The following LARS1 variants were observed in gnomAD, a reference collection of about 807,000 sequenced individuals.
The protein encoded by LARS1 is leucyl-tRNA synthetase 1.
Under a neutral mutation model 162.8 loss-of-function variants are expected in LARS1, and 100 were observed. That is an observed-to-expected ratio of 0.61 (90% CI 0.52 to 0.73). The LOEUF (loss-of-function observed/expected upper bound fraction) is 0.73. Among genes scored for constraint, LARS1 ranks in the 30% least tolerant of loss-of-function variants. The probability of loss-of-function intolerance (pLI) is 0.00; values close to 1 mark genes in which losing one functional copy is unlikely to be tolerated. For synonymous variants in LARS1, 457 were observed against 462.8 expected (o/e 0.99, Z 0.16); for missense variants, 1,258 against 1,408.9 (o/e 0.89, Z 1.71).
At chr5:146,154,326 C>T (rs1362212445) in intron 10 of LARS1, among the ~76,000 whole-genome samples, 1 of 152,132 alleles carries the variant, frequency 6.6e-6, no homozygotes, top group Non-Finnish European at 1.5e-5. Flanking sequence ...TCTACAGGTG[C>T]ATACCACTGC....
At chr5:146,177,760 G>C in intron 1 of LARS1, 95 bp from the exon 2 acceptor site, 1 of 504,310 alleles carries the variant, frequency 2.0e-6, no homozygotes, top group Non-Finnish European at 3.5e-6. Context: ...CACTGATAAA[G>C]ACTGATTTTT....
chr5:146,137,534 G>A (rs1483145108), intron 21 of LARS1, among the ~76,000 whole-genome samples: 1 of 152,112 alleles, frequency 6.6e-6, no homozygotes, highest in African/African-American at 2.4e-5. Flanking sequence ...AGTAACAGCA[G>A]AAGCATAGAG....
At chr5:146,159,902 T>C (rs2126541832) in intron 7 of LARS1, among the ~76,000 whole-genome samples, 1 of 152,238 alleles carries the variant, frequency 6.6e-6, no homozygotes, top group East Asian at 1.9e-4. Flanking sequence ...ATCAAATGAT[T>C]ACTTTTTCTG....
chr5:146,122,204 A>C (rs1751854271), intron 30 of LARS1, among the ~76,000 whole-genome samples: 1 of 152,140 alleles, frequency 6.6e-6, no homozygotes, highest in South Asian at 2.1e-4. Flanking sequence ...TTTAAATAAA[A>C]ACCAGATTTT....
chr5:146,144,771 G>C (rs546350585), intron 15 of LARS1, 62 bp from the exon 16 acceptor site: 2 of 1,434,008 alleles, frequency 1.4e-6, no homozygotes, highest in South Asian at 2.4e-5. Flanking sequence ...ATTCCTCAAG[G>C]ATAAAAATTA....
At chr5:146,132,819 AAAG>A in intron 23 of LARS1, 76 bp downstream of exon 23, 1 of 1,099,028 alleles carries the variant, frequency 9.1e-7, no homozygotes, top group Non-Finnish European at 1.3e-6. Flanking sequence ...AAAAAAAAGA[AAAG>A]AAAAGAAAAA....
chr5:146,118,290 T>C (rs1003158099), intron 31 of LARS1, among the ~76,000 whole-genome samples: 9 of 152,160 alleles, frequency 5.9e-5, no homozygotes, highest in African/African-American at 2.2e-4. Flanking sequence ...ATGATCTCAC[T>C]CACATGTGGA....
At chr5:146,127,141 T>C (rs921737024) in intron 27 of LARS1, among the ~76,000 whole-genome samples, 1 of 152,094 alleles carries the variant, frequency 6.6e-6, no homozygotes. Flanking sequence ...AACTGGTCTT[T>C]TCAAAGTTTT....
intron 15 of LARS1, among the ~76,000 whole-genome samples, chr5:146,146,295 G>C (rs528942228): frequency 2.0e-5 from 3 of 149,616 alleles, no homozygotes; most frequent in African/African-American, 7.4e-5. Flanking sequence ...AGCTGAGATC[G>C]TGCCATTGCA....
chr5:146,153,189 G>T lies in LARS1; in HGVS notation c.1269C>A (p.Val423=). ...RAKYGIRDDM[V]LPFEPVPVIE... is the part of the protein sequence containing the mutation. ...ATGTACTCACCGGCTCAAATGGCAA[G>T]ACCATGTCATCTCTAATTCCATATT... The change falls in exon 13 of 32, where the codon GTC becomes GTA. Residue 423 remains valine, a synonymous_variant. Coordinates refer to ENST00000394434, the MANE Select transcript of LARS1 (RefSeq NM_020117.11). 1 of 1,613,064 alleles carries T rather than the reference G, an allele frequency of 6.2e-7. No homozygotes were observed. The highest frequency in any genetic ancestry group is 1.1e-5 in the South Asian group (1 of 91,030).
At position 146,153,657 on chromosome 5, in the gene LARS1, T is replaced by G. The variant is rs566968525; in HGVS notation, c.1230+77A>C. On this transcript the variant is annotated intron_variant, in intron 12 of 31. Coordinates refer to ENST00000394434, the MANE Select transcript of LARS1 (RefSeq NM_020117.11). The stretch of plus-strand genomic sequence containing the variant: ...ATAAATGCATAGCTTTTTAGCCTAG[T>G]CCCACAGCGTAGTTCAGCAGCACCT... 31 of 1,086,874 alleles carry G rather than the reference T, an allele frequency of 2.9e-5. No homozygotes were observed. The South Asian group carries it at 3.9e-4, about 14-fold the overall frequency. 67.3% of individuals were successfully genotyped at this position (1,086,874 alleles called of 1,614,324 possible).
chr5:146,130,059 AGAATGGAGC>A lies in LARS1; in HGVS notation c.2578_2586del (p.Ala860_Phe862del). ...CAGATGTGCTCACACAAATGTGGAC[AGAATGGAGC>A]GAGGAGAAGTGTCTGAACTTCAATA... On this transcript the variant is annotated inframe_deletion, in exon 25 of 32. Coordinates refer to ENST00000394434, the MANE Select transcript of LARS1 (RefSeq NM_020117.11). The A allele has an allele frequency of 6.2e-7, 1 of 1,614,030 alleles. No homozygotes were observed. The highest frequency in any genetic ancestry group is 8.5e-7 in the Non-Finnish European group (1 of 1,179,898).
chr5:146,170,780 A>G (rs1252220438), intron 4 of LARS1, among the ~76,000 whole-genome samples: 1 of 151,558 alleles, frequency 6.6e-6, no homozygotes, highest in Non-Finnish European at 1.5e-5. Context: ...AGATTACCTG[A>G]GGTCAGGAGT....
At chr5:146,153,368 T>C (rs1401423312) in intron 12 of LARS1, 141 bp from the exon 13 acceptor site, 7 of 642,524 alleles carry the variant, frequency 1.1e-5, no homozygotes, top group African/African-American at 1.8e-5. Context: ...ATTTTCTAAC[T>C]TTGCCAAATA....
intron 1 of LARS1, 114 bp downstream of exon 1, chr5:146,182,374 A>C: frequency 7.2e-7 from 1 of 1,396,608 alleles, no homozygotes; most frequent in Non-Finnish European, 1.0e-6. Flanking sequence ...GCACGCCTTA[A>C]GCGTGGCTCT....
chr5:146,167,240 G>A (rs1754051613), intron 5 of LARS1, among the ~76,000 whole-genome samples: 2 of 152,108 alleles, frequency 1.3e-5, no homozygotes, highest in Admixed American at 1.3e-4. Context: ...AATCCAAAAA[G>A]TCTGTAGTTT....
Position 146,114,324 on chromosome 5 carries a change from AAATT to A in LARS1, c.3326-17_3326-14del, listed in dbSNP as rs1337413529. The A allele has an allele frequency of 3.7e-6, 6 of 1,606,012 alleles. No individual in the cohort carries two copies. The South Asian group carries it at 5.5e-5, about 15-fold the overall frequency. ...ACTTTGGAAAGGTCTACAACAAAAT[AAATT>A]ATCAATATAAGCATTTAATTACAGT... On this transcript the variant is annotated splice_polypyrimidine_tract_variant and intron_variant, in intron 31 of 31. Transcript: ENST00000394434.
Position 146,132,927 on chromosome 5 carries a change from G to C in LARS1, c.2367C>G (p.Ala789=). 3.1e-6 allele frequency: 5 copies of C among 1,613,956 alleles called. No individual in the cohort carries two copies. Among genetic ancestry groups the C allele is most frequent in the Non-Finnish European group, 3.4e-6 (4 of 1,179,908 alleles). Reference sequence around the variant, plus strand: ...CAAAAACTCTATCATTGAAAGTGCTGGCAGGACCACTTCTTAGGCTGTCCC... The same window carrying C: ...CAAAAACTCTATCATTGAAAGTGCTCGCAGGACCACTTCTTAGGCTGTCCC... ...ANWDSLRSGP[A]STFNDRVFAS... Residue 789 remains alanine, a synonymous_variant, in exon 23 of 32, where the codon GCC becomes GCG. Coordinates refer to ENST00000394434, the MANE Select transcript of LARS1 (RefSeq NM_020117.11).
intron 15 of LARS1, among the ~76,000 whole-genome samples, chr5:146,145,142 A>G (rs563490356): frequency 5.3e-5 from 8 of 152,152 alleles, no homozygotes; most frequent in Non-Finnish European, 1.0e-4. Context: ...CAGTGGCACT[A>G]TCATGGCTCA....
Sources: allele counts gnomAD v4.1 joint callset (sites outside exome capture counted in the v4.1 genomes callset), GRCh38; gene constraint gnomAD v4.1.1; transcripts MANE v1.5; gene names NCBI Gene and HGNC (gene_info 2026-07-23, HGNC 2026-07-21).